SNX29: variants seen among roughly 807,000 people sequenced by gnomAD.
SNX29 encodes sorting nexin-29.
A neutral mutation model predicts 102.1 loss-of-function variants in SNX29; 78 were observed. The observed-to-expected ratio is 0.76, with a 90% CI of 0.64 to 0.92. SNX29 has a LOEUF of 0.92. Ranked by LOEUF, SNX29 falls within the 40% of genes least tolerant of loss-of-function variation. The probability of loss-of-function intolerance (pLI) is 0.00; values close to 1 mark genes in which losing one functional copy is unlikely to be tolerated. For missense variants in SNX29, 1,280 were observed against 1,061.7 expected, an observed-to-expected ratio of 1.21 and a Z score of -2.86; for synonymous variants, 580 against 414.5, an observed-to-expected ratio of 1.40 and a Z score of -4.85.
chr16:12,453,773 G>C (rs199609459), intron 18 of SNX29, among the ~76,000 whole-genome samples: 1 of 152,098 alleles, frequency 6.6e-6, no homozygotes, highest in Non-Finnish European at 1.5e-5. Context: ...GCTTGATATT[G>C]TCATTTATCT....
At chr16:12,343,545 G>T (rs368153442) in intron 15 of SNX29, among the ~76,000 whole-genome samples, 1 of 152,186 alleles carries the variant, frequency 6.6e-6, no homozygotes, top group Non-Finnish European at 1.5e-5. Flanking sequence ...CCTCCTGCCA[G>T]CTGACCTCTT....
intron 11 of SNX29, among the ~76,000 whole-genome samples, chr16:12,118,336 T>TTTTA (rs1555464077): frequency 2.8e-5 from 4 of 145,352 alleles, no homozygotes; most frequent in Admixed American, 1.4e-4. Flanking sequence ...TTTTTTTTTT[T>TTTTA]ATGAGATGGA....
At chr16:12,007,627 C>G (rs1485042994) in intron 3 of SNX29, among the ~76,000 whole-genome samples, 1 of 152,202 alleles carries the variant, frequency 6.6e-6, no homozygotes, top group East Asian at 1.9e-4. Context: ...GATAGCTGGC[C>G]CGGCCCTGGA....
At chr16:12,004,709 A>G (rs1394669948) in intron 3 of SNX29, among the ~76,000 whole-genome samples, 1 of 152,120 alleles carries the variant, frequency 6.6e-6, no homozygotes, top group African/African-American at 2.4e-5. Flanking sequence ...CTTTTGTAGA[A>G]TTTTAACAGC....
intron 4 of SNX29, among the ~76,000 whole-genome samples, chr16:12,031,836 A>AC (rs1251030617): frequency 6.6e-6 from 1 of 151,954 alleles, no homozygotes; most frequent in African/African-American, 2.4e-5. Flanking sequence ...AACAAAAAAA[A>AC]AATTGGTAAA....
chr16:12,562,494 C>T lies in SNX29; in HGVS notation c.2319-6012C>T, dbSNP rs75611263. Among the ~76,000 whole-genome samples, 376 of 152,300 alleles carry T rather than the reference C, an allele frequency of 2.5e-3. 2 individuals carry two copies. Among genetic ancestry groups the T allele is most frequent in the African/African-American group, 8.7e-3 (361 of 41,572 alleles). On this transcript the variant is annotated intron_variant, in intron 20 of 20. Coordinates refer to ENST00000566228, the MANE Select transcript of SNX29 (RefSeq NM_032167.5). Reference sequence around the variant, plus strand: ...TAGGAACTCGAGTCCTAGAAAGGAGCATCGTGAGCAGCCCAAGTACACCTG... The same window carrying T: ...TAGGAACTCGAGTCCTAGAAAGGAGTATCGTGAGCAGCCCAAGTACACCTG...
chr16:12,054,576 C>T (rs1034403519), intron 8 of SNX29, among the ~76,000 whole-genome samples: 3 of 152,222 alleles, frequency 2.0e-5, no homozygotes, highest in East Asian at 1.9e-4. Context: ...CATGGCTTTT[C>T]GGCCCTGGGC....
intron 15 of SNX29, among the ~76,000 whole-genome samples, chr16:12,314,217 C>T (rs2080658006): frequency 6.6e-6 from 1 of 152,102 alleles, no homozygotes; most frequent in Non-Finnish European, 1.5e-5. Context: ...CAGGCTGGTC[C>T]CAAACTCCTG....
At chr16:12,567,522 C>T (rs570303143) in intron 20 of SNX29, among the ~76,000 whole-genome samples, 25 of 152,238 alleles carry the variant, frequency 1.6e-4, no homozygotes, top group African/African-American at 5.8e-4. Context: ...CAGTGGCTCA[C>T]ACCTGTAATC....
At chr16:12,348,798 C>G (rs2081906061) in intron 15 of SNX29, among the ~76,000 whole-genome samples, 1 of 152,148 alleles carries the variant, frequency 6.6e-6, no homozygotes, top group Admixed American at 6.5e-5. Flanking sequence ...CCTTTCTGTG[C>G]CTCAGTTTTC....
At chr16:12,301,683 A>G (rs1007973207) in intron 15 of SNX29, among the ~76,000 whole-genome samples, 5 of 152,242 alleles carry the variant, frequency 3.3e-5, no homozygotes, top group Admixed American at 2.0e-4. Flanking sequence ...GGCAGGGATC[A>G]AGCTTACCTT....
In SNX29 at chr16:12,405,879, C is replaced by G. The variant is rs188462174; in HGVS notation, c.2037+2350C>G. 2.0e-5 allele frequency among the ~76,000 whole-genome samples: 3 copies of G among 151,718 alleles called. No individual in the cohort carries two copies. In the East Asian group the frequency reaches 5.8e-4, roughly 30 times the overall value. ...TGAAACCCCATCTCTACTAAAAATA[C>G]AAATTAGCCAGGCGTGGTGGTGGGC... On this transcript the variant is annotated intron_variant, in intron 18 of 20. Transcript: ENST00000566228.
chr16:12,015,192 T>G (rs900205683), intron 3 of SNX29, among the ~76,000 whole-genome samples: 4 of 152,174 alleles, frequency 2.6e-5, no homozygotes, highest in Non-Finnish European at 5.9e-5. Flanking sequence ...TGCATTTTTA[T>G]TTTTTATCTT....
chr16:12,179,309 C>A (rs541498285), intron 13 of SNX29, among the ~76,000 whole-genome samples: 3 of 152,310 alleles, frequency 2.0e-5, no homozygotes, highest in Non-Finnish European at 4.4e-5. Flanking sequence ...CGTGGCGAAG[C>A]CCCATCTCTA....
intron 20 of SNX29, among the ~76,000 whole-genome samples, chr16:12,548,941 C>T (rs760121246): frequency 1.4e-4 from 22 of 152,314 alleles, no homozygotes; most frequent in Non-Finnish European, 2.1e-4. Context: ...TATGGCCTGG[C>T]ATTTAGGGAA....
intron 4 of SNX29, among the ~76,000 whole-genome samples, chr16:12,033,610 C>CA (rs2057399889): frequency 7.1e-6 from 1 of 140,118 alleles, no homozygotes. Context: ...TTTCTTTTTT[C>CA]TTTTTTTTTT....
chr16:12,476,469 TA>T (rs1479533807), intron 18 of SNX29, among the ~76,000 whole-genome samples: 7 of 114,680 alleles, frequency 6.1e-5, no homozygotes, highest in African/African-American at 1.0e-4. Context: ...CAGTTGCTCA[TA>T]AAAGACCCCT....
rs557542669 is a variant in SNX29 at position 11,983,235 on chromosome 16, ATT to A, written c.7+6443_7+6444del. Among the ~76,000 whole-genome samples, 792 of 129,586 alleles carry A rather than the reference ATT, an allele frequency of 6.1e-3. 5 individuals are homozygous for A. The highest frequency in any genetic ancestry group is 0.022 in the African/African-American group (742 of 33,490). 85.0% of individuals were successfully genotyped at this position (129,586 alleles called of 152,430 possible). A position where few individuals can be genotyped will look rare whatever the true frequency, so the allele number is the denominator to read the frequency against. On this transcript the variant is annotated intron_variant, in intron 1 of 20. Coordinates refer to ENST00000566228, the MANE Select transcript of SNX29 (RefSeq NM_032167.5). ...TGTGAGCCACTGCGCCTGGGTTACA[ATT>A]TTTTTTTTTTTTTTTTTTTTGTAGA... is the stretch of plus-strand genomic sequence containing the variant.
chr16:12,419,935 T>C (rs746289855), intron 18 of SNX29, among the ~76,000 whole-genome samples: 4 of 152,198 alleles, frequency 2.6e-5, no homozygotes, highest in Non-Finnish European at 5.9e-5. Context: ...CTGGCCAAAA[T>C]CAGCCCACGT....
Sources: gnomAD v4.1 joint callset for allele counts (sites outside exome capture counted in the v4.1 genomes callset) on GRCh38, gnomAD v4.1.1 for gene constraint, MANE v1.5 for transcripts, NCBI Gene and HGNC (gene_info 2026-07-23, HGNC 2026-07-21) for gene names.